The following ABCA13 variants were observed in gnomAD, a reference collection of about 807,000 sequenced individuals.
ABCA13 encodes ATP binding cassette subfamily A member 13.
ABCA13 carries 476 observed loss-of-function variants against 478.7 expected under a neutral mutation model. The observed-to-expected ratio is 0.99, with a 90% CI of 0.92 to 1.07. The LOEUF (loss-of-function observed/expected upper bound fraction) is 1.07, where lower values mean the gene tolerates loss of function less well. Among genes scored for constraint, ABCA13 ranks in the 50% least tolerant of loss-of-function variants. The probability of loss-of-function intolerance (pLI) is 0.00; values close to 1 mark genes in which losing one functional copy is unlikely to be tolerated. For missense variants in ABCA13, 6,060 were observed against 5,910.6 expected (o/e 1.03, Z -0.83); for synonymous variants, 2,252 against 2,158.9 (o/e 1.04, Z -1.20).
intron 35 of ABCA13, among the ~76,000 whole-genome samples, chr7:48,387,260 A>T (rs2129050741): frequency 6.6e-6 from 1 of 152,278 alleles, no homozygotes; most frequent in East Asian, 1.9e-4. Flanking sequence ...TTTCATTTCA[A>T]CATGTAATGA....
chr7:48,279,000 T>G lies in ABCA13; in HGVS notation c.7806T>G (p.Ile2602Met), dbSNP rs533001570. Reference protein sequence around the residue: ...VPFLDLAFEMIGVEPYISSNS... With the variant: ...VPFLDLAFEMMGVEPYISSNS... The stretch of plus-strand genomic sequence containing the variant: ...TTCTTGACTTGGCCTTTGAAATGAT[T>G]GGGGTAGAACCTTATATATCATCAA... The change falls in exon 18 of 62, where the codon ATT becomes ATG. Residue 2602 changes from isoleucine (I) to methionine (M), a missense_variant. Transcript: ENST00000435803. The G allele has an allele frequency of 6.2e-7, 1 of 1,613,436 alleles. No individual in the cohort carries two copies. The highest frequency in any genetic ancestry group is 2.2e-5 in the East Asian group (1 of 44,846).
At chr7:48,473,473 T>C (rs1198825506) in intron 45 of ABCA13, among the ~76,000 whole-genome samples, 1 of 152,190 alleles carries the variant, frequency 6.6e-6, no homozygotes, top group East Asian at 1.9e-4. Flanking sequence ...GGCTGCTCTT[T>C]GTTAGAAAAT....
At chr7:48,504,829 A>G (rs1295103238) in intron 48 of ABCA13, among the ~76,000 whole-genome samples, 1 of 152,198 alleles carries the variant, frequency 6.6e-6, no homozygotes, top group East Asian at 1.9e-4. Flanking sequence ...ATTGGGCTGC[A>G]CATCAAGTGA....
At chr7:48,346,280 G>A (rs4917078) in intron 29 of ABCA13, among the ~76,000 whole-genome samples, 131,298 of 152,202 alleles carry the variant, frequency 0.86, 56,783 homozygotes, top group African/African-American at 0.93. Flanking sequence ...AGCAGTTCCA[G>A]TTCTGCTACT....
intron 59 of ABCA13, among the ~76,000 whole-genome samples, chr7:48,616,464 T>C (rs10269521): frequency 0.41 from 62,280 of 152,020 alleles, 13,516 homozygotes; most frequent in African/African-American, 0.54. Context: ...TAACCCATTC[T>C]TGATTGTTGG....
chr7:48,191,465 G>T (rs1797097245), intron 1 of ABCA13, among the ~76,000 whole-genome samples: 2 of 152,318 alleles, frequency 1.3e-5, no homozygotes, highest in Middle Eastern at 3.4e-3. Flanking sequence ...GCAGTGTGGT[G>T]CAGTCTCGAC....
intron 35 of ABCA13, 116 bp downstream of exon 35, chr7:48,376,688 C>A: frequency 8.4e-7 from 1 of 1,194,534 alleles, no homozygotes; most frequent in Non-Finnish European, 1.1e-6. Context: ...AAAGGGAAGT[C>A]TTAGGATATA....
intron 1 of ABCA13, among the ~76,000 whole-genome samples, chr7:48,188,908 A>T (rs1796715441): frequency 6.6e-6 from 1 of 152,190 alleles, no homozygotes; most frequent in South Asian, 2.1e-4. Context: ...TGCCTTGCGG[A>T]TGGGAAGCTC....
chr7:48,619,621 C>T (rs926255208), intron 59 of ABCA13, among the ~76,000 whole-genome samples: 1 of 152,146 alleles, frequency 6.6e-6, no homozygotes, highest in African/African-American at 2.4e-5. Context: ...GGTGACATCA[C>T]AAGGCCTAAC....
chr7:48,542,226 T>C (rs1271743266), intron 55 of ABCA13, among the ~76,000 whole-genome samples: 1 of 151,610 alleles, frequency 6.6e-6, no homozygotes, highest in East Asian at 1.9e-4. Context: ...AGTTACAAAG[T>C]GTAATATATT....
At position 48,248,292 on chromosome 7, in the gene ABCA13, A is replaced by G. The variant is rs1273512432; in HGVS notation, c.1713A>G (p.Ile571Met). Residue 571 changes from isoleucine (I) to methionine (M), a missense_variant, in exon 14 of 62, where the codon ATA (isoleucine) becomes ATG (methionine). By Grantham distance (10) the Ile-to-Met change is conservative. Coordinates refer to ENST00000435803, the MANE Select transcript of ABCA13 (RefSeq NM_152701.5). Reference protein sequence around the residue: ...ITWHKNMSVLIPEEYLDWQEL... With the variant: ...ITWHKNMSVLMPEEYLDWQEL... ...GGCACAAAAATATGTCAGTTTTAAT[A>G]CCTGAAGAATATTTGGACTGGCAGG... 4 of 1,613,858 alleles carry G rather than the reference A, an allele frequency of 2.5e-6. No individual in the cohort carries two copies. The highest frequency in any genetic ancestry group is 1.7e-5 in the Admixed American group (1 of 60,004).
Position 48,645,857 on chromosome 7 carries a change from C to A in ABCA13, c.*345C>A, listed in dbSNP as rs917975162. On this transcript the variant is annotated 3_prime_UTR_variant, in exon 62 of 62. Coordinates refer to ENST00000435803, the MANE Select transcript of ABCA13 (RefSeq NM_152701.5). The stretch of plus-strand genomic sequence containing the variant: ...GCCTGTCACACTAGAGTGTGTGTGA[C>A]ATGTCCACTCTAAACATGTCACTTT... 5.0e-5 allele frequency: 12 copies of A among 238,410 alleles called. No individual in the cohort carries two copies. In the South Asian group the frequency reaches 6.5e-4, roughly 13 times the overall value. 14.8% of individuals were successfully genotyped at this position (238,410 alleles called of 1,614,324 possible).
intron 55 of ABCA13, among the ~76,000 whole-genome samples, chr7:48,529,067 G>C (rs763011370): frequency 4.6e-5 from 7 of 152,138 alleles, no homozygotes; most frequent in Non-Finnish European, 8.8e-5. Context: ...AACATTCAGG[G>C]CATGGTGCCT....
At chr7:48,329,796 T>A (rs968614063) in intron 27 of ABCA13, among the ~76,000 whole-genome samples, 2 of 151,796 alleles carry the variant, frequency 1.3e-5, no homozygotes, top group African/African-American at 4.8e-5. Context: ...TATCCACCCA[T>A]CCACCCATTC....
intron 43 of ABCA13, among the ~76,000 whole-genome samples, chr7:48,466,631 T>C (rs912610768): frequency 1.3e-5 from 2 of 152,240 alleles, no homozygotes; most frequent in Non-Finnish European, 2.9e-5. Context: ...CTTTAAAATT[T>C]GTTTTTAAAA....
intron 38 of ABCA13, among the ~76,000 whole-genome samples, chr7:48,401,390 T>C (rs1195823069): frequency 6.6e-6 from 1 of 152,216 alleles, no homozygotes; most frequent in Non-Finnish European, 1.5e-5. Flanking sequence ...TGTGATGTGA[T>C]AGAAAGTTCT....
chr7:48,546,831 A>G (rs562686578), intron 55 of ABCA13, among the ~76,000 whole-genome samples: 3 of 151,858 alleles, frequency 2.0e-5, no homozygotes, highest in East Asian at 1.9e-4. Flanking sequence ...ACAAAAAGAC[A>G]TGGAACTCAT....
At chr7:48,506,282 GATTCACCATGCAGGAGCAGGC>G in intron 48 of ABCA13, 33 bp from the exon 49 acceptor site, 2 of 1,568,906 alleles carry the variant, frequency 1.3e-6, no homozygotes, top group Admixed American at 3.3e-5. Flanking sequence ...GATGAGCTGC[GATTCACCATGCAGGAGCAGGC>G]TGAAGGCTCA....
At chr7:48,472,508 G>C (rs1005832106) in intron 45 of ABCA13, among the ~76,000 whole-genome samples, 1 of 152,182 alleles carries the variant, frequency 6.6e-6, no homozygotes, top group Non-Finnish European at 1.5e-5. Flanking sequence ...TTATTGTCTA[G>C]GGTGTCAAAT....
Sources: gnomAD v4.1 joint callset for allele counts (sites outside exome capture counted in the v4.1 genomes callset) on GRCh38, gnomAD v4.1.1 for gene constraint, MANE v1.5 for transcripts, NCBI Gene and HGNC (gene_info 2026-07-23, HGNC 2026-07-21) for gene names.